PCK2: variants seen among roughly 807,000 people sequenced by gnomAD.
The protein encoded by PCK2 is phosphoenolpyruvate carboxykinase 2, mitochondrial.
In PCK2, 56 loss-of-function variants were observed where a neutral mutation model predicts 65.9. The ratio of observed to expected loss-of-function variants is 0.85; its 90% CI spans 0.69 to 1.06. The LOEUF (loss-of-function observed/expected upper bound fraction) is 1.06. Ranked by LOEUF, PCK2 falls within the 50% of genes least tolerant of loss-of-function variation. The probability of loss-of-function intolerance (pLI) is 0.00; values close to 1 mark genes in which losing one functional copy is unlikely to be tolerated. For synonymous variants in PCK2, 305 were observed against 319.6 expected (o/e 0.95, Z 0.49); for missense variants, 843 against 863.1 (o/e 0.98, Z 0.29).
In PCK2 at chr14:24,094,317, C is replaced by T. The variant is rs1486039599; in HGVS notation, c.-89C>T. 5.3e-6 allele frequency: 7 copies of T among 1,324,282 alleles called. No individual in the cohort carries two copies. In the East Asian group the frequency reaches 1.1e-4, roughly 20 times the overall value. The allele number at this position is 1,324,282 out of a possible 1,614,324, so 82.0% of individuals were successfully genotyped here. On this transcript the variant is annotated 5_prime_UTR_variant, in exon 1 of 10. Transcript: ENST00000216780. The surrounding 1 kb of genome is among the most constrained non-coding windows in gnomAD (Gnocchi z 4.1). ...CCTCCCGCCAGCCTCTGCTGTGGCT[C>T]GCTTCGCCGCGCTCCCTCCTTCCCC...
Position 24,094,402 on chromosome 14 carries a change from T to TGCCATGGCCGCATTGTACC in PCK2, c.1_19dup. On this transcript the variant is annotated 5_prime_UTR_variant, in exon 1 of 10. It adds an upstream start codon to the 5' untranslated region. Transcript: ENST00000216780. This position sits in a 1 kb window ranked among gnomAD's most constrained non-coding sequence, Gnocchi z 4.1. Reference sequence around the variant, plus strand: ...GGCCACCCCGCAGCCCCTGCCCAGGTGCCATGGCCGCATTGTACCGCCCTG... The same window carrying TGCCATGGCCGCATTGTACC: ...GGCCACCCCGCAGCCCCTGCCCAGGTGCCATGGCCGCATTGTACCGCCATGGCCGCATTGTACCGCCCTG... The TGCCATGGCCGCATTGTACC allele has an allele frequency of 6.4e-7, 1 of 1,557,970 alleles. No individual in the cohort carries two copies.
At chr14:24,099,445 T>C (rs1429218803) in intron 5 of PCK2, 113 bp from the exon 6 acceptor site, 2 of 1,100,336 alleles carry the variant, frequency 1.8e-6, no homozygotes, top group South Asian at 3.0e-5. Flanking sequence ...CAATCACTTA[T>C]ATAGTTAATA....
intron 7 of PCK2, 105 bp from the exon 8 acceptor site, chr14:24,102,648 A>C: frequency 2.1e-6 from 2 of 940,914 alleles, no homozygotes; most frequent in Non-Finnish European, 3.2e-6. Context: ...GCAGCTGATG[A>C]GGCAAAAAAA....
Position 24,099,603 on chromosome 14 carries a change from G to A in PCK2, c.898G>A (p.Ala300Thr), listed in dbSNP as rs371701549. The A allele has an allele frequency of 2.9e-5, 46 of 1,612,528 alleles. No homozygotes were observed. The highest frequency in any genetic ancestry group is 5.0e-5 in the Admixed American group (3 of 59,944). Residue 300 changes from alanine to threonine, a missense_variant, in exon 6 of 10, where the codon GCC becomes ACC. Coordinates refer to ENST00000216780, the MANE Select transcript of PCK2 (RefSeq NM_004563.4). Reference sequence around the variant, plus strand: ...TGCAGGGAAGAAGCGCTATGTGGCAGCCGCCTTCCCTAGTGCCTGTGGCAA... The same window carrying A: ...TGCAGGGAAGAAGCGCTATGTGGCAACCGCCTTCCCTAGTGCCTGTGGCAA... The part of the protein sequence containing the change: ...SPAGKKRYVA[A>T]AFPSACGKTN...
At chr14:24,103,475 A>C (rs747733179) in intron 9 of PCK2, 35 bp from the exon 10 acceptor site, 1 of 1,518,908 alleles carries the variant, frequency 6.6e-7, no homozygotes, top group Admixed American at 2.1e-5. Context: ...CCCAGTGAGA[A>C]GGAAGATTCC....
In PCK2 at chr14:24,094,547, G is replaced by A. The variant is rs2036768374; in HGVS notation, c.29+113G>A. 1 of 1,440,668 alleles carries A rather than the reference G, an allele frequency of 6.9e-7. No homozygotes were observed. The highest frequency in any genetic ancestry group is 9.1e-7 in the Non-Finnish European group (1 of 1,101,870). The allele number at this position is 1,440,668 out of a possible 1,614,324, so 89.2% of individuals were successfully genotyped here. A position where few individuals can be genotyped will look rare whatever the true frequency, so the allele number is the denominator to read the frequency against. ...CTCCGCCAGGTTTCCCATCCTAGGC[G>A]GAGGCGGGCAGGGGCGACTGCTGTG... On this transcript the variant is annotated intron_variant, in intron 1 of 9. Transcript: ENST00000216780. The surrounding 1 kb of genome is among the most constrained non-coding windows in gnomAD (Gnocchi z 4.1).
chr14:24,101,688 C>G (rs573508266), intron 7 of PCK2, among the ~76,000 whole-genome samples: 2 of 152,094 alleles, frequency 1.3e-5, no homozygotes, highest in African/African-American at 2.4e-5. Flanking sequence ...TTTGGGAGGC[C>G]GAGGCAGTTG....
intron 2 of PCK2, among the ~76,000 whole-genome samples, chr14:24,097,860 C>T (rs886952886): frequency 1.8e-4 from 27 of 152,236 alleles, no homozygotes; most frequent in African/African-American, 6.5e-4. Context: ...TCCCAAAGTG[C>T]TGGGATTACA....
chr14:24,100,609 A>G, intron 7 of PCK2: 1 of 1,058,378 alleles, frequency 9.4e-7, no homozygotes, highest in Non-Finnish European at 1.1e-6. Context: ...AGGACTTTTG[A>G]ACATTCTTAC....
chr14:24,103,464 C>T lies in PCK2; in HGVS notation c.1469-46C>T, dbSNP rs746996349. 1.3e-5 allele frequency: 19 copies of T among 1,479,702 alleles called. No homozygotes were observed. The African/African-American group carries it at 2.7e-4, about 21-fold the overall frequency. The allele number at this position is 1,479,702 out of a possible 1,614,324, so 91.7% of individuals were successfully genotyped here. A position where few individuals can be genotyped will look rare whatever the true frequency, so the allele number is the denominator to read the frequency against. On this transcript the variant is annotated intron_variant, in intron 9 of 9. Transcript: ENST00000216780. ...ACTGGATGCAGGGTGCCCTTCCCTA[C>T]CCCAGTGAGAAGGAAGATTCCTTAC...
chr14:24,095,281 T>A (rs2036818223), intron 1 of PCK2: 2 of 452,710 alleles, frequency 4.4e-6, no homozygotes, highest in Non-Finnish European at 8.9e-6. Context: ...AGAGATAACG[T>A]GAGCCAGGCT....
At chr14:24,100,286 A>G (rs1594302884) in intron 7 of PCK2, 73 bp downstream of exon 7, 1 of 1,575,952 alleles carries the variant, frequency 6.3e-7, no homozygotes, top group Middle Eastern at 1.7e-4. Context: ...CTTTCTCCAC[A>G]ACCTCCAACC....
Position 24,100,154 on chromosome 14 carries a change from A to G in PCK2, c.1175A>G (p.Asp392Gly). 1 of 1,613,772 alleles carries G rather than the reference A, an allele frequency of 6.2e-7. No homozygotes were observed. The highest frequency in any genetic ancestry group is 8.5e-7 in the Non-Finnish European group (1 of 1,179,916). ...SDGGVYWEGI[D>G]QPLPPGVTVT... ...GGTGGCGTGTACTGGGAGGGCATTG[A>G]CCAGCCTCTTCCACCTGGTGTTACT... Residue 392 changes from aspartate to glycine, a missense_variant, in exon 7 of 10, where the codon GAC (aspartate) becomes GGC (glycine). By Grantham distance (94) the Asp-to-Gly change is moderately conservative (BLOSUM62 -1). Transcript: ENST00000216780.
chr14:24,101,662 T>A (rs1457203585), intron 7 of PCK2, among the ~76,000 whole-genome samples: 1 of 152,168 alleles, frequency 6.6e-6, no homozygotes, highest in Non-Finnish European at 1.5e-5. Context: ...GTGACTCACA[T>A]CTGTAATCCC....
chr14:24,094,381 AC>A lies in PCK2; in HGVS notation c.-21del. On this transcript the variant is annotated 5_prime_UTR_variant, in exon 1 of 10. Transcript: ENST00000216780. The surrounding 1 kb of genome is among the most constrained non-coding windows in gnomAD (Gnocchi z 4.1). ...CCCCGGCTCCGCTCGGTTCCTGGCC[AC>A]CCCGCAGCCCCTGCCCAGGTGCCAT... is the stretch of plus-strand genomic sequence containing the variant. 1 of 1,543,746 alleles carries A rather than the reference AC, an allele frequency of 6.5e-7. No individual in the cohort carries two copies. The highest frequency in any genetic ancestry group is 8.7e-7 in the Non-Finnish European group (1 of 1,148,786).
chr14:24,102,697 T>C, intron 7 of PCK2, 56 bp from the exon 8 acceptor site: 3 of 1,477,020 alleles, frequency 2.0e-6, no homozygotes, highest in Non-Finnish European at 9.4e-7. Context: ...CATGTATGTG[T>C]GTGTTGGGGG....
chr14:24,096,846 A>G (rs768025034), intron 1 of PCK2, 46 bp from the exon 2 acceptor site: 4 of 1,570,424 alleles, frequency 2.5e-6, no homozygotes, highest in African/African-American at 2.7e-5. Context: ...TGCCTTGTCC[A>G]CTCTCGATGA....
Position 24,094,336 on chromosome 14 carries a change from C to A in PCK2, c.-70C>A. 6.9e-7 allele frequency: 1 copy of A among 1,447,920 alleles called. No homozygotes were observed. Among genetic ancestry groups the A allele is most frequent in the Non-Finnish European group, 9.4e-7 (1 of 1,068,544 alleles). 89.7% of individuals were successfully genotyped at this position (1,447,920 alleles called of 1,614,324 possible). On this transcript the variant is annotated 5_prime_UTR_variant, in exon 1 of 10. Coordinates refer to ENST00000216780, the MANE Select transcript of PCK2 (RefSeq NM_004563.4). This position sits in a 1 kb window ranked among gnomAD's most constrained non-coding sequence, Gnocchi z 4.1. ...GTGGCTCGCTTCGCCGCGCTCCCTC[C>A]TTCCCCGCCTTCCATACCTCCCCGG...
rs1484466445 is a variant in PCK2, at chr14:24,103,876, G to A, written c.1835G>A (p.Ser612Asn). 1 of 1,614,156 alleles carries A rather than the reference G, an allele frequency of 6.2e-7. No homozygotes were observed. The highest frequency in any genetic ancestry group is 8.5e-7 in the Non-Finnish European group (1 of 1,180,020). The change falls in exon 10 of 10, where the codon AGC becomes AAC. Residue 612 changes from serine to asparagine, a missense_variant. By Grantham distance (46) the Ser-to-Asn change is conservative (BLOSUM62 1). Coordinates refer to ENST00000216780, the MANE Select transcript of PCK2 (RefSeq NM_004563.4). ...GAACAGGAGGTTCGTGACATTCGGA[G>A]CTACCTGACAGAGCAGGTCAACCAG... ...FWEQEVRDIR[S>N]YLTEQVNQDL...
Sources: allele counts gnomAD v4.1 joint callset (sites outside exome capture counted in the v4.1 genomes callset), GRCh38; gene constraint gnomAD v4.1.1; non-coding constraint Gnocchi (gnomAD v3.1); transcripts MANE v1.5; gene names NCBI Gene and HGNC (gene_info 2026-07-23, HGNC 2026-07-21).